Variants in CPE observed in about 807,000 individuals in gnomAD.
CPE encodes the protein carbocypeptidase E.
CPE carries 17 observed loss-of-function variants against 53.5 expected under a neutral mutation model. That is an observed-to-expected ratio of 0.32 (90% CI 0.22 to 0.48). The LOEUF (loss-of-function observed/expected upper bound fraction) is 0.48. Among genes scored for constraint, CPE ranks in the 20% least tolerant of loss-of-function variants. CPE has a pLI of 0.99. For synonymous variants in CPE, 226 were observed against 228.8 expected (o/e 0.99, Z 0.11); for missense variants, 524 against 614.7 (o/e 0.85, Z 1.56).
rs1348216187 is a variant in CPE at position 165,498,356 on chromosome 4, T to A, written c.*746T>A. 6.6e-6 allele frequency: 1 copy of A among 152,192 alleles called. No individual in the cohort carries two copies. Among genetic ancestry groups the A allele is most frequent in the African/African-American group, 2.4e-5 (1 of 41,458 alleles). 9.4% of individuals were successfully genotyped at this position (152,192 alleles called of 1,614,324 possible). On this transcript the variant is annotated 3_prime_UTR_variant, in exon 9 of 9. Transcript: ENST00000402744. Reference sequence around the variant, plus strand: ...TTTCAGTTCTCTAAGATTTTTGGTCTGGCATTGTGGTCTTATGATGAAAAC... The same window carrying A: ...TTTCAGTTCTCTAAGATTTTTGGTCAGGCATTGTGGTCTTATGATGAAAAC...
At chr4:165,402,618 C>A (rs758017453) in intron 1 of CPE, among the ~76,000 whole-genome samples, 1 of 152,216 alleles carries the variant, frequency 6.6e-6, no homozygotes, top group African/African-American at 2.4e-5. Flanking sequence ...CGTGCATGCT[C>A]CTGCTTCTAC....
At chr4:165,415,463 T>G (rs548700023) in intron 1 of CPE, among the ~76,000 whole-genome samples, 19 of 152,330 alleles carry the variant, frequency 1.2e-4, no homozygotes, top group African/African-American at 4.6e-4. Context: ...TAGCATTATT[T>G]CCTTTAAAGT....
chr4:165,387,311 C>A (rs567240864), intron 1 of CPE, among the ~76,000 whole-genome samples: 4 of 152,060 alleles, frequency 2.6e-5, no homozygotes, highest in Non-Finnish European at 5.9e-5. Flanking sequence ...GATAATACAC[C>A]GTGGAACAAC....
chr4:165,467,599 T>C lies in CPE; in HGVS notation c.505-89T>C. The C allele has an allele frequency of 3.2e-6, 4 of 1,254,764 alleles. No individual in the cohort carries two copies. The South Asian group carries it at 6.3e-5, about 20-fold the overall frequency. 77.7% of individuals were successfully genotyped at this position (1,254,764 alleles called of 1,614,324 possible). ...TTGAAGTAAATAATCTTAATAGTTA[T>C]TTTAAAGAGCATTGATAGGGACCTT... On this transcript the variant is annotated intron_variant, in intron 2 of 8. Transcript: ENST00000402744.
intron 1 of CPE, chr4:165,386,442 T>C (rs149605568): frequency 2.1e-5 from 8 of 387,056 alleles, no homozygotes; most frequent in African/African-American, 1.1e-4. Context: ...ATGCATATCA[T>C]AAAACAAAGC....
At chr4:165,468,970 C>T (rs1359697191) in intron 3 of CPE, among the ~76,000 whole-genome samples, 1 of 152,160 alleles carries the variant, frequency 6.6e-6, no homozygotes, top group Non-Finnish European at 1.5e-5. Flanking sequence ...GTTATTTGAC[C>T]TCTCTGTGCT....
intron 3 of CPE, among the ~76,000 whole-genome samples, chr4:165,469,575 C>T (rs1732167744): frequency 6.6e-6 from 1 of 152,190 alleles, no homozygotes; most frequent in South Asian, 2.1e-4. Context: ...CATGCCACTC[C>T]CTCTGTGAAG....
chr4:165,379,049 T>C lies in CPE; in HGVS notation c.-173T>C. On this transcript the variant is annotated 5_prime_UTR_variant, in exon 1 of 9. Coordinates refer to ENST00000402744, the MANE Select transcript of CPE (RefSeq NM_001873.4). This position sits in a 1 kb window ranked among gnomAD's most constrained non-coding sequence, Gnocchi z 6.0. The stretch of plus-strand genomic sequence containing the variant: ...GAGCCGCGGCTTTGCCCGTCTCCTC[T>C]GGGTGGCCCCAGTGCGCGGGCTGAC... The C allele has an allele frequency of 2.0e-6, 1 of 504,222 alleles. No individual in the cohort carries two copies. 31.2% of individuals were successfully genotyped at this position (504,222 alleles called of 1,614,324 possible). A position where few individuals can be genotyped will look rare whatever the true frequency, so the allele number is the denominator to read the frequency against.
At position 165,493,177 on chromosome 4, in the gene CPE, C is replaced by G. The variant is rs1310523718; in HGVS notation, c.1120C>G (p.Arg374Gly). 6.2e-7 allele frequency: 1 copy of G among 1,612,216 alleles called. No homozygotes were observed. The highest frequency in any genetic ancestry group is 2.2e-5 in the East Asian group (1 of 44,820). The change falls in exon 7 of 9, where the codon CGA becomes GGA. Residue 374 changes from arginine (R) to glycine (G), a missense_variant. Coordinates refer to ENST00000402744, the MANE Select transcript of CPE (RefSeq NM_001873.4). Reference protein sequence around the residue: ...SLISYLEQIHRGVKGFVRDLQ... With the variant: ...SLISYLEQIHGGVKGFVRDLQ... ...TTATTTTTGACCTTCACAGATACACCGAGGAGTTAAAGGATTTGTCCGAGA... is the reference window on the plus strand; with the variant it reads ...TTATTTTTGACCTTCACAGATACACGGAGGAGTTAAAGGATTTGTCCGAGA...
intron 1 of CPE, among the ~76,000 whole-genome samples, chr4:165,400,902 A>G (rs983117531): frequency 6.6e-6 from 1 of 152,172 alleles, no homozygotes; most frequent in Non-Finnish European, 1.5e-5. Context: ...TGTTTCCAAC[A>G]TATTCAGTGT....
Position 165,389,025 on chromosome 4 carries a change from A to G in CPE, c.307+9497A>G, listed in dbSNP as rs548709476. 9.0e-4 allele frequency among the ~76,000 whole-genome samples: 137 copies of G among 152,308 alleles called. 2 individuals are homozygous for G. In the Middle Eastern group the frequency reaches 0.027, roughly 30 times the overall value. ...ACTCCACAAAATCAACAAGACCTTTATAGAGCTCACACAAAGAGAAATCAG... is the reference window on the plus strand; with the variant it reads ...ACTCCACAAAATCAACAAGACCTTTGTAGAGCTCACACAAAGAGAAATCAG... On this transcript the variant is annotated intron_variant, in intron 1 of 8. Coordinates refer to ENST00000402744, the MANE Select transcript of CPE (RefSeq NM_001873.4).
rs115911272 is a variant in CPE, at chr4:165,475,307, T to C, written c.673-6935T>C. Among the ~76,000 whole-genome samples, 669 of 152,230 alleles carry C rather than the reference T, an allele frequency of 4.4e-3. 5 individuals carry two copies. Among genetic ancestry groups the C allele is most frequent in the African/African-American group, 0.015 (613 of 41,538 alleles). The stretch of plus-strand genomic sequence containing the variant: ...TGGAGGGTAACAGGGACAAAAAGTA[T>C]ACAATAAATCATAAGGGCTGGGATT... On this transcript the variant is annotated intron_variant, in intron 3 of 8. Coordinates refer to ENST00000402744, the MANE Select transcript of CPE (RefSeq NM_001873.4).
intron 1 of CPE, among the ~76,000 whole-genome samples, chr4:165,390,934 A>G (rs988408032): frequency 3.3e-5 from 5 of 152,106 alleles, no homozygotes; most frequent in Non-Finnish European, 4.4e-5. Context: ...ATCCTTTTCT[A>G]TTGTTTCGAG....
At chr4:165,404,418 T>C in intron 1 of CPE, 1 of 764,442 alleles carries the variant, frequency 1.3e-6, no homozygotes, top group South Asian at 1.4e-5. Flanking sequence ...GAATTCAAAT[T>C]CTTATTCTTC....
chr4:165,456,327 C>T (rs1731900355), intron 1 of CPE, among the ~76,000 whole-genome samples: 1 of 152,048 alleles, frequency 6.6e-6, no homozygotes, highest in Non-Finnish European at 1.5e-5. Context: ...AAAAAATTTT[C>T]CCTAGGCCCG....
intron 1 of CPE, among the ~76,000 whole-genome samples, chr4:165,435,782 A>G (rs554753758): frequency 6.6e-6 from 1 of 152,136 alleles, no homozygotes; most frequent in African/African-American, 2.4e-5. Flanking sequence ...AAAATCTTTG[A>G]TTCTTCACTT....
At chr4:165,413,643 C>T (rs2126669138) in intron 1 of CPE, among the ~76,000 whole-genome samples, 1 of 152,278 alleles carries the variant, frequency 6.6e-6, no homozygotes, top group Admixed American at 6.5e-5. Context: ...GCTTTGGAAA[C>T]TTTCCTGTGA....
At chr4:165,493,107 T>C in intron 6 of CPE, 64 bp from the exon 7 acceptor site, 1 of 1,027,450 alleles carries the variant, frequency 9.7e-7, no homozygotes, top group Non-Finnish European at 1.5e-6. Flanking sequence ...ATGAAACATA[T>C]TTAAGGCCAT....
rs1043019028 is a variant in CPE at position 165,404,695 on chromosome 4, C to G, written c.307+25167C>G. 5.4e-6 allele frequency: 5 copies of G among 918,460 alleles called. No homozygotes were observed. The African/African-American group carries it at 8.1e-5, about 15-fold the overall frequency. 56.9% of individuals were successfully genotyped at this position (918,460 alleles called of 1,614,324 possible). ...GGAGGATTCAGATGACTTCAGACAT[C>G]ATGGGTGCAAGACACCTGGTAGTAT... On this transcript the variant is annotated intron_variant, in intron 1 of 8. Coordinates refer to ENST00000402744, the MANE Select transcript of CPE (RefSeq NM_001873.4).
Sources: allele counts gnomAD v4.1 joint callset (sites outside exome capture counted in the v4.1 genomes callset), GRCh38; gene constraint gnomAD v4.1.1; non-coding constraint Gnocchi (gnomAD v3.1); transcripts MANE v1.5; gene names NCBI Gene and HGNC (gene_info 2026-07-23, HGNC 2026-07-21).